Variants in SMC3 observed in about 807,000 individuals in gnomAD.
SMC3 encodes the protein structural maintenance of chromosomes 3.
In SMC3, 20 loss-of-function variants were observed where a neutral mutation model predicts 171.8. The observed-to-expected ratio is 0.12, with a 90% confidence interval of 0.08 to 0.17. The LOEUF (loss-of-function observed/expected upper bound fraction) is 0.17. SMC3 is among the 10% of genes least tolerant of loss of function. The pLI, the probability that SMC3 is intolerant of heterozygous loss-of-function variation, is 1.00. For missense variants in SMC3, 543 were observed against 1,420.4 expected, an observed-to-expected ratio of 0.38 and a Z score of 9.93; for synonymous variants, 464 against 451.1, an observed-to-expected ratio of 1.03 and a Z score of -0.36.
rs117281846 is a variant in SMC3, at chr10:110,605,655, T to G, written c.*1353T>G. 0.012 allele frequency among the ~76,000 whole-genome samples: 1,809 copies of G among 152,294 alleles called. 25 individuals carry two copies. Among genetic ancestry groups the G allele is most frequent in the Non-Finnish European group, 0.019 (1,270 of 68,016 alleles). ...GTGTATTATTTATACTTTGTAGCTT[T>G]GCTATAACATAACTGATCTATAATA... On this transcript the variant is annotated 3_prime_UTR_variant, in exon 29 of 29. Coordinates refer to ENST00000361804, the MANE Select transcript of SMC3 (RefSeq NM_005445.4).
At chr10:110,569,472 C>T (rs1860835338) in intron 2 of SMC3, among the ~76,000 whole-genome samples, 1 of 151,960 alleles carries the variant, frequency 6.6e-6, no homozygotes, top group Non-Finnish European at 1.5e-5. Context: ...GGGTTCAAAT[C>T]CCAGTTATAG....
Position 110,601,712 on chromosome 10 carries a change from T to C in SMC3, c.2720T>C (p.Met907Thr), listed in dbSNP as rs1283753169. Residue 907 changes from methionine (M) to threonine (T), a missense_variant, in exon 24 of 29, where the codon ATG becomes ACG. Around this residue, in one of 8 missense-constraint regions of SMC3, gnomAD observed 81 missense variants for 184.2 expected, o/e 0.44. Coordinates refer to ENST00000361804, the MANE Select transcript of SMC3 (RefSeq NM_005445.4). ...LQKSMERWKNMEKEHMDAINH... is the reference protein window; with the variant it reads ...LQKSMERWKNTEKEHMDAINH... Reference sequence around the variant, plus strand: ...AAGAGTATGGAGCGCTGGAAAAATATGGAAAAAGAACATATGGATGCTATA... The same window carrying C: ...AAGAGTATGGAGCGCTGGAAAAATACGGAAAAAGAACATATGGATGCTATA... 1.5e-5 allele frequency: 24 copies of C among 1,613,176 alleles called. No individual in the cohort carries two copies. Among genetic ancestry groups the C allele is most frequent in the Non-Finnish European group, 1.9e-5 (23 of 1,179,698 alleles).
intron 1 of SMC3, among the ~76,000 whole-genome samples, chr10:110,568,728 C>A (rs925271865): frequency 6.6e-6 from 1 of 151,562 alleles, no homozygotes; most frequent in African/African-American, 2.4e-5. Context: ...AAATAAAACC[C>A]AGCAGCATTG....
chr10:110,604,094 C>CAAAAAAAAAAAAAAAAA (rs57491050), intron 28 of SMC3, 137 bp from the exon 29 acceptor site: 1 of 202,010 alleles, frequency 5.0e-6, no homozygotes, highest in African/African-American at 5.4e-5. Flanking sequence ...GACTCCATCT[C>CAAAAAAAAAAAAAAAAA]AAAAAAAAAA....
intron 8 of SMC3, among the ~76,000 whole-genome samples, chr10:110,581,280 C>T (rs567898732): frequency 1.4e-4 from 20 of 145,816 alleles, no homozygotes; most frequent in African/African-American, 2.3e-4. Flanking sequence ...TGCAGTGGCG[C>T]GATCTCTGCT....
At chr10:110,601,917 T>G in intron 24 of SMC3, 33 bp downstream of exon 24, 1 of 1,612,616 alleles carries the variant, frequency 6.2e-7, no homozygotes, top group Non-Finnish European at 8.5e-7. Flanking sequence ...TGTTACAAAT[T>G]GCTCAGTATA....
chr10:110,583,143 G>C (rs1822286456), intron 10 of SMC3, among the ~76,000 whole-genome samples: 2 of 151,892 alleles, frequency 1.3e-5, no homozygotes, highest in Non-Finnish European at 2.9e-5. Context: ...CCTCCCACCT[G>C]GGCCTCCCAA....
At chr10:110,594,179 C>G (rs1305523661) in intron 18 of SMC3, among the ~76,000 whole-genome samples, 1 of 149,750 alleles carries the variant, frequency 6.7e-6, no homozygotes, top group African/African-American at 2.5e-5. Context: ...GGATCCTTCA[C>G]AATTTTTTTT....
chr10:110,584,947 G>A (rs12244760), intron 13 of SMC3, among the ~76,000 whole-genome samples: 47 of 150,730 alleles, frequency 3.1e-4, no homozygotes, highest in African/African-American at 1.1e-3. Flanking sequence ...TTATGAATTG[G>A]TAGCATGTGT....
At chr10:110,601,550 G>A in intron 23 of SMC3, 87 bp from the exon 24 acceptor site, 1 of 1,362,536 alleles carries the variant, frequency 7.3e-7, no homozygotes, top group Non-Finnish European at 1.0e-6. Context: ...AACCTATTTT[G>A]GTAGGTTTGA....
rs1377621749 is a variant in SMC3, at chr10:110,604,615, A to G, written c.*313A>G. On this transcript the variant is annotated 3_prime_UTR_variant, in exon 29 of 29. Coordinates refer to ENST00000361804, the MANE Select transcript of SMC3 (RefSeq NM_005445.4). ...CTACCTTTTTTATAGCTTCAATTAA[A>G]TAATCGGTTTTATGACTAATATAGT... is the stretch of plus-strand genomic sequence containing the variant. The G allele has an allele frequency of 9.3e-6, 3 of 321,766 alleles. No homozygotes were observed. Among genetic ancestry groups the G allele is most frequent in the Non-Finnish European group, 1.2e-5 (2 of 169,940 alleles). 19.9% of individuals were successfully genotyped at this position (321,766 alleles called of 1,614,324 possible). A position where few individuals can be genotyped will look rare whatever the true frequency, so the allele number is the denominator to read the frequency against.
chr10:110,577,394 C>G (rs757462685), intron 4 of SMC3, 27 bp from the exon 5 acceptor site: 1 of 1,559,396 alleles, frequency 6.4e-7, no homozygotes, highest in Non-Finnish European at 8.8e-7. Context: ...ACTTAAATGG[C>G]AAATTTCTCA....
Position 110,596,501 on chromosome 10 carries a change from A to G in SMC3, c.2067A>G (p.Leu689=). 1 of 1,614,112 alleles carries G rather than the reference A, an allele frequency of 6.2e-7. No homozygotes were observed. The highest frequency in any genetic ancestry group is 8.5e-7 in the Non-Finnish European group (1 of 1,179,986). ...QKDVRKAEEE[L]GELEAKLNEN... ...ATGTTAGAAAAGCAGAAGAAGAACT[A>G]GGTGAACTTGAAGCAAAGCTCAATG... Residue 689 remains leucine (L), a synonymous_variant, in exon 19 of 29, where the codon CTA becomes CTG. Coordinates refer to ENST00000361804, the MANE Select transcript of SMC3 (RefSeq NM_005445.4).
chr10:110,580,845 G>C, intron 7 of SMC3, 59 bp from the exon 8 acceptor site: 2 of 917,158 alleles, frequency 2.2e-6, no homozygotes, highest in East Asian at 2.4e-5. Flanking sequence ...TCAACGTGGA[G>C]TTCTTCTTCT....
At chr10:110,570,115 C>T (rs1051921802) in intron 2 of SMC3, among the ~76,000 whole-genome samples, 1 of 152,188 alleles carries the variant, frequency 6.6e-6, no homozygotes, top group Non-Finnish European at 1.5e-5. Flanking sequence ...GTGAGGCTCT[C>T]TTCCTGGCTT....
intron 13 of SMC3, among the ~76,000 whole-genome samples, chr10:110,586,019 A>G (rs1861109214): frequency 1.3e-5 from 2 of 151,908 alleles, no homozygotes; most frequent in Admixed American, 6.6e-5. Flanking sequence ...GATGGTCTTG[A>G]TCTCTTGACC....
At chr10:110,568,814 T>G (rs1310651390) in intron 1 of SMC3, 124 bp from the exon 2 acceptor site, 1 of 661,618 alleles carries the variant, frequency 1.5e-6, no homozygotes, top group Non-Finnish European at 2.7e-6. Context: ...CCAAAATGAA[T>G]TTTTCTTATA....
intron 16 of SMC3, among the ~76,000 whole-genome samples, 163 bp from the exon 17 acceptor site, chr10:110,590,828 A>G (rs1236543832): frequency 6.6e-6 from 1 of 152,354 alleles, no homozygotes; most frequent in Non-Finnish European, 1.5e-5. Context: ...TTTGGATTAT[A>G]TAGGAAAAAA....
intron 7 of SMC3, 67 bp downstream of exon 7, chr10:110,578,773 G>C: frequency 7.7e-7 from 1 of 1,294,914 alleles, no homozygotes; most frequent in Non-Finnish European, 1.1e-6. Flanking sequence ...TGATGAATTT[G>C]GTTTATTGAT....
Sources: allele counts gnomAD v4.1 joint callset (sites outside exome capture counted in the v4.1 genomes callset), GRCh38; gene constraint gnomAD v4.1.1; regional missense constraint gnomAD v4.1.1; transcripts MANE v1.5; gene names NCBI Gene and HGNC (gene_info 2026-07-23, HGNC 2026-07-21).